The following USO1 variants were observed in gnomAD, a reference collection of about 807,000 sequenced individuals.
USO1 encodes general vesicular transport factor p115.
A neutral mutation model predicts 124.5 loss-of-function variants in USO1; 57 were observed. The observed-to-expected ratio is 0.46, with a 90% CI of 0.37 to 0.57. USO1 has a LOEUF of 0.57. Among genes scored for constraint, USO1 ranks in the 20% least tolerant of loss-of-function variants. The pLI is 0.00. For synonymous variants in USO1, 369 were observed against 362.8 expected, an observed-to-expected ratio of 1.02 and a Z score of -0.19; for missense variants, 900 against 1,040.6, an observed-to-expected ratio of 0.86 and a Z score of 1.86.
At chr4:75,811,563 T>G (rs1455221893) in intron 22 of USO1, among the ~76,000 whole-genome samples, 1 of 152,174 alleles carries the variant, frequency 6.6e-6, no homozygotes, top group African/African-American at 2.4e-5. Context: ...CCGTGGAACA[T>G]AGGCACATTA....
At position 75,787,921 on chromosome 4, in the gene USO1, T is replaced by C. The variant is rs184324728; in HGVS notation, c.996+719T>C. On this transcript the variant is annotated intron_variant, in intron 10 of 23. Coordinates refer to ENST00000514213, the MANE Select transcript of USO1 (RefSeq NM_003715.4). ...TCTCATCCATGAGTTGTAATTGTGT[T>C]CTTCATTTTACTGTTACTCTATATA... Among the ~76,000 whole-genome samples the C allele has an allele frequency of 6.8e-4, 103 of 152,166 alleles. 1 individual carries two copies. The highest frequency in any genetic ancestry group is 2.3e-3 in the African/African-American group (96 of 41,532).
At chr4:75,739,632 C>T (rs773565524) in intron 1 of USO1, among the ~76,000 whole-genome samples, 3 of 150,066 alleles carry the variant, frequency 2.0e-5, no homozygotes, top group South Asian at 2.1e-4. Flanking sequence ...GCTCTGCCTC[C>T]GCCTCCCGAG....
chr4:75,740,873 C>A (rs969007300), intron 1 of USO1, among the ~76,000 whole-genome samples: 1 of 152,118 alleles, frequency 6.6e-6, no homozygotes, highest in Non-Finnish European at 1.5e-5. Flanking sequence ...TCGCATCACT[C>A]GAAGTAATCT....
intron 10 of USO1, 89 bp downstream of exon 10, chr4:75,787,291 A>T: frequency 7.4e-7 from 1 of 1,347,026 alleles, no homozygotes. Flanking sequence ...GAAAAACTAC[A>T]ATAGTTAACC....
intron 1 of USO1, among the ~76,000 whole-genome samples, chr4:75,751,657 C>G (rs1048454618): frequency 1.3e-5 from 2 of 150,648 alleles, no homozygotes; most frequent in African/African-American, 2.4e-5. Flanking sequence ...ATGGTGAAAC[C>G]CTGTCTCTAC....
intron 9 of USO1, among the ~76,000 whole-genome samples, chr4:75,784,112 C>G (rs1483629567): frequency 6.6e-6 from 1 of 152,220 alleles, no homozygotes; most frequent in East Asian, 1.9e-4. Flanking sequence ...CCTCAACCTC[C>G]CTGGCTCAAG....
At chr4:75,784,273 G>C (rs1283366880) in intron 9 of USO1, among the ~76,000 whole-genome samples, 1 of 152,176 alleles carries the variant, frequency 6.6e-6, no homozygotes, top group Admixed American at 6.5e-5. Context: ...TCCTGCCTCA[G>C]CTTCCCAAAG....
chr4:75,744,842 C>T (rs369949475), intron 1 of USO1: 80 of 439,290 alleles, frequency 1.8e-4, no homozygotes, highest in Non-Finnish European at 2.9e-4. Context: ...AAGATACTTC[C>T]GATGTGTTTT....
chr4:75,776,386 A>G (rs1314831324), intron 8 of USO1, among the ~76,000 whole-genome samples: 1 of 152,182 alleles, frequency 6.6e-6, no homozygotes, highest in African/African-American at 2.4e-5. Flanking sequence ...AGAGTTGGCA[A>G]TGGCATCATG....
At chr4:75,749,980 C>T (rs1425432204) in intron 1 of USO1, among the ~76,000 whole-genome samples, 1 of 152,114 alleles carries the variant, frequency 6.6e-6, no homozygotes, top group Non-Finnish European at 1.5e-5. Context: ...GTCTCGATCT[C>T]CTGACCTCGT....
intron 17 of USO1, among the ~76,000 whole-genome samples, chr4:75,802,677 T>G (rs1191761285): frequency 6.6e-6 from 1 of 150,818 alleles, no homozygotes; most frequent in Non-Finnish European, 1.5e-5. Context: ...GTAGATGCAA[T>G]ACAATTTATA....
intron 1 of USO1, among the ~76,000 whole-genome samples, chr4:75,743,440 C>T (rs1335658501): frequency 6.6e-6 from 1 of 152,100 alleles, no homozygotes; most frequent in Non-Finnish European, 1.5e-5. Flanking sequence ...CTCTAAGGCC[C>T]CTCTGCCTGG....
intron 4 of USO1, among the ~76,000 whole-genome samples, chr4:75,761,875 TA>T (rs549731028): frequency 4.0e-4 from 61 of 152,330 alleles, no homozygotes; most frequent in Admixed American, 1.1e-3. Flanking sequence ...TATGAAGCAT[TA>T]CCTTTTGTGA....
At chr4:75,777,404 T>TA (rs746525863) in intron 8 of USO1, among the ~76,000 whole-genome samples, 27 of 152,184 alleles carry the variant, frequency 1.8e-4, no homozygotes, top group Non-Finnish European at 3.5e-4. Context: ...AATGAAAAGA[T>TA]ACTTCACAGA....
intron 9 of USO1, among the ~76,000 whole-genome samples, chr4:75,785,899 G>A (rs1481171989): frequency 6.6e-6 from 1 of 152,050 alleles, no homozygotes; most frequent in Non-Finnish European, 1.5e-5. Context: ...AATTAAGGGA[G>A]GAAAAAACAC....
intron 21 of USO1, among the ~76,000 whole-genome samples, chr4:75,809,374 T>G (rs1021760329): frequency 2.0e-5 from 3 of 152,198 alleles, no homozygotes; most frequent in Non-Finnish European, 4.4e-5. Context: ...GAACATTCCT[T>G]CTCATACTTT....
chr4:75,804,355 T>C (rs1224144714), intron 18 of USO1, 83 bp downstream of exon 18: 1 of 1,469,506 alleles, frequency 6.8e-7, no homozygotes, highest in Non-Finnish European at 9.0e-7. Flanking sequence ...ATTCTTTCTG[T>C]GGACTAGTAT....
chr4:75,725,153 TCCGCAGGTGGTA>T (rs1720376007), intron 1 of USO1, among the ~76,000 whole-genome samples: 2 of 152,172 alleles, frequency 1.3e-5, no homozygotes, highest in African/African-American at 4.8e-5. Context: ...AGGAGAGTGG[TCCGCAGGTGGTA>T]CCGCACGGGA....
At chr4:75,729,991 C>T (rs1045879829) in intron 1 of USO1, 4 of 368,716 alleles carry the variant, frequency 1.1e-5, no homozygotes, top group African/African-American at 2.2e-5. Context: ...GTCTGAAATT[C>T]CTATTTGGGT....
Sources: gnomAD v4.1 joint callset for allele counts (sites outside exome capture counted in the v4.1 genomes callset) on GRCh38, gnomAD v4.1.1 for gene constraint, MANE v1.5 for transcripts, NCBI Gene and HGNC (gene_info 2026-07-23, HGNC 2026-07-21) for gene names.